Variants in FBN1 observed in about 807,000 individuals in gnomAD.
FBN1 encodes fibrillin-1.
In FBN1, 29 loss-of-function variants were observed where a neutral mutation model predicts 365.1. The observed-to-expected ratio is 0.08, with a 90% confidence interval of 0.06 to 0.11. The LOEUF is 0.11. FBN1 is among the 10% of genes least tolerant of loss of function. The pLI is 1.00. For synonymous variants in FBN1, 1,210 were observed against 1,270.5 expected, an observed-to-expected ratio of 0.95 and a Z score of 1.01; for missense variants, 2,476 against 3,703.2, an observed-to-expected ratio of 0.67 and a Z score of 8.60.
At chr15:48,557,979 T>C (rs2044194757) in intron 6 of FBN1, among the ~76,000 whole-genome samples, 1 of 152,120 alleles carries the variant, frequency 6.6e-6, no homozygotes, top group Non-Finnish European at 1.5e-5. Flanking sequence ...AAAGTTAGAG[T>C]GGTTCCCCCA....
At chr15:48,468,208 C>A (rs1232525655) in intron 37 of FBN1, 106 bp from the exon 38 acceptor site, 2 of 1,464,752 alleles carry the variant, frequency 1.4e-6, no homozygotes, top group African/African-American at 1.4e-5. Context: ...TTTACTTTTA[C>A]TGAGAAACTA....
intron 6 of FBN1, among the ~76,000 whole-genome samples, chr15:48,560,906 G>T (rs943626263): frequency 6.6e-6 from 1 of 152,052 alleles, no homozygotes; most frequent in African/African-American, 2.4e-5. Context: ...ACCTCTCTGG[G>T]TCATAATTTC....
chr15:48,610,890 A>T, intron 3 of FBN1, 64 bp from the exon 4 acceptor site: 1 of 1,391,714 alleles, frequency 7.2e-7, no homozygotes. Context: ...TAGGGGACCA[A>T]TCCTCAAATG....
At chr15:48,560,238 C>T (rs1317313413) in intron 6 of FBN1, among the ~76,000 whole-genome samples, 1 of 152,158 alleles carries the variant, frequency 6.6e-6, no homozygotes, top group Non-Finnish European at 1.5e-5. Flanking sequence ...AGGATCCTAA[C>T]TTTCCTGTAG....
intron 6 of FBN1, among the ~76,000 whole-genome samples, chr15:48,552,398 A>T (rs1391693672): frequency 6.6e-6 from 1 of 151,260 alleles, no homozygotes; most frequent in African/African-American, 2.4e-5. Context: ...TCAGCCTCCC[A>T]AATAGCTGAG....
intron 29 of FBN1, among the ~76,000 whole-genome samples, chr15:48,486,487 G>A (rs1313213668): frequency 6.6e-6 from 1 of 152,210 alleles, no homozygotes; most frequent in African/African-American, 2.4e-5. Context: ...AACCTACAGA[G>A]GGCTGACCAC....
intron 6 of FBN1, among the ~76,000 whole-genome samples, chr15:48,549,249 T>C (rs2044122617): frequency 6.6e-6 from 1 of 152,240 alleles, no homozygotes; most frequent in African/African-American, 2.4e-5. Context: ...GCAAGTTCGA[T>C]GAATCTGAAC....
intron 6 of FBN1, among the ~76,000 whole-genome samples, chr15:48,563,566 T>A (rs1426918251): frequency 2.6e-5 from 4 of 152,170 alleles, no homozygotes; most frequent in African/African-American, 9.6e-5. Flanking sequence ...CAAAATATTT[T>A]AAAAATTTCC....
Position 48,470,698 on chromosome 15 carries a change from A to G in FBN1, c.4395T>C (p.Pro1465=), listed in dbSNP as rs1555397410. 3 of 1,614,076 alleles carry G rather than the reference A, an allele frequency of 1.9e-6. No individual in the cohort carries two copies. Among genetic ancestry groups the G allele is most frequent in the South Asian group, 2.2e-5 (2 of 91,058 alleles). The part of the protein sequence containing the change: ...ICVFGTCHNL[P]GLFRCECEIG... ...TCTCACACTCACAGCGGAACAGGCC[A>G]GGGAGGTTGTGGCAAGTTCCAAAGA... Residue 1465 remains proline (P), a synonymous_variant, in exon 36 of 66, where the codon CCT becomes CCC. Coordinates refer to ENST00000316623, the MANE Select transcript of FBN1 (RefSeq NM_000138.5).
chr15:48,490,162 C>A (rs745959617), intron 24 of FBN1, 84 bp from the exon 25 acceptor site: 33 of 1,115,448 alleles, frequency 3.0e-5, no homozygotes, highest in Middle Eastern at 2.0e-4. Flanking sequence ...AGGTAAAATA[C>A]TGCACACATA....
chr15:48,623,178 C>A (rs935341721), intron 2 of FBN1, among the ~76,000 whole-genome samples: 24 of 151,998 alleles, frequency 1.6e-4, no homozygotes, highest in African/African-American at 5.8e-4. Context: ...ATAGTGAGTA[C>A]GAAGTACAAT....
intron 8 of FBN1, 131 bp from the exon 9 acceptor site, chr15:48,526,386 C>T (rs1012652166): frequency 1.3e-5 from 12 of 912,974 alleles, no homozygotes; most frequent in African/African-American, 8.3e-5. Context: ...AAGTAAAAAC[C>T]GCATGGAGAA....
At chr15:48,611,105 C>T (rs1048553195) in intron 3 of FBN1, among the ~76,000 whole-genome samples, 1 of 152,094 alleles carries the variant, frequency 6.6e-6, no homozygotes, top group Non-Finnish European at 1.5e-5. Flanking sequence ...AAGCCCAGGA[C>T]AGGCTATGAA....
At chr15:48,441,002 C>T (rs563015558) in intron 50 of FBN1, among the ~76,000 whole-genome samples, 5 of 151,960 alleles carry the variant, frequency 3.3e-5, no homozygotes, top group African/African-American at 1.2e-4. Flanking sequence ...GTTTCATCTC[C>T]CTTCCCCGGA....
At chr15:48,467,811 C>A in intron 38 of FBN1, 127 bp downstream of exon 38, 1 of 871,392 alleles carries the variant, frequency 1.1e-6, no homozygotes, top group Non-Finnish European at 1.9e-6. Context: ...GAATAAGGTC[C>A]CCTCTACAGG....
chr15:48,450,287 T>C (rs1173418743), intron 45 of FBN1, among the ~76,000 whole-genome samples: 1 of 152,108 alleles, frequency 6.6e-6, no homozygotes, highest in Non-Finnish European at 1.5e-5. Context: ...CATATCTGAG[T>C]TCCACAAGGA....
At chr15:48,536,793 G>C (rs758387831) in intron 7 of FBN1, among the ~76,000 whole-genome samples, 7 of 152,178 alleles carry the variant, frequency 4.6e-5, no homozygotes, top group Non-Finnish European at 7.3e-5. Flanking sequence ...ATTACCCTTA[G>C]AATTAACATA....
intron 42 of FBN1, among the ~76,000 whole-genome samples, chr15:48,460,754 G>A (rs1017413927): frequency 1.3e-5 from 2 of 152,124 alleles, no homozygotes; most frequent in African/African-American, 4.8e-5. Flanking sequence ...CCACATTCTT[G>A]ACATCAGATC....
chr15:48,644,200 G>GC (rs892988187), intron 2 of FBN1: 20 of 189,218 alleles, frequency 1.1e-4, no homozygotes, highest in African/African-American at 4.4e-4. Context: ...TCCTTTCCTT[G>GC]CCCCCTTTCA....
Sources: allele counts gnomAD v4.1 joint callset (sites outside exome capture counted in the v4.1 genomes callset), GRCh38; gene constraint gnomAD v4.1.1; transcripts MANE v1.5; gene names NCBI Gene and HGNC (gene_info 2026-07-23, HGNC 2026-07-21).